Variants in EPM2A observed in about 807,000 individuals in gnomAD.
EPM2A encodes EPM2A glucan phosphatase, laforin.
In EPM2A, 21 loss-of-function variants were observed where a neutral mutation model predicts 26.5. That is an observed-to-expected ratio of 0.79 (90% CI 0.56 to 1.14). EPM2A has a LOEUF of 1.14. Ranked by LOEUF, EPM2A falls within the 50% of genes most tolerant of loss-of-function variation. EPM2A has a pLI of 0.00. For synonymous variants in EPM2A, 217 were observed against 177.6 expected (o/e 1.22, Z -1.76); for missense variants, 458 against 440.8 (o/e 1.04, Z -0.35).
At chr6:145,606,968 G>A (rs1275348700) in intron 2 of EPM2A, among the ~76,000 whole-genome samples, 11 of 152,238 alleles carry the variant, frequency 7.2e-5, no homozygotes, top group Non-Finnish European at 1.6e-4. Context: ...CCAATCAGAA[G>A]CTGACAAGTA....
intron 4 of EPM2A, among the ~76,000 whole-genome samples, chr6:145,488,072 G>C (rs1463082331): frequency 1.6e-5 from 2 of 122,460 alleles, no homozygotes; most frequent in Non-Finnish European, 3.7e-5. Context: ...TATTGAATAG[G>C]GAATTCTTTC....
chr6:145,647,781 T>G (rs1300197082), intron 2 of EPM2A, among the ~76,000 whole-genome samples: 1 of 152,184 alleles, frequency 6.6e-6, no homozygotes, highest in Non-Finnish European at 1.5e-5. Flanking sequence ...CAAGATATTC[T>G]AGAGGGTTCA....
intron 1 of EPM2A, among the ~76,000 whole-genome samples, chr6:145,717,773 C>T (rs547922532): frequency 2.5e-4 from 38 of 150,466 alleles, no homozygotes; most frequent in African/African-American, 8.1e-4. Flanking sequence ...AGCAAAGTCT[C>T]AGGATACAAA....
intron 2 of EPM2A, among the ~76,000 whole-genome samples, chr6:145,656,899 T>G (rs1778332579): frequency 6.6e-6 from 1 of 152,196 alleles, no homozygotes; most frequent in African/African-American, 2.4e-5. Context: ...AATGTACTAC[T>G]AAAGATAAAA....
chr6:145,417,539 G>C (rs1294252838), intron 4 of EPM2A, among the ~76,000 whole-genome samples: 2 of 152,098 alleles, frequency 1.3e-5, no homozygotes, highest in African/African-American at 4.8e-5. Flanking sequence ...AACCCTCCCA[G>C]AAAAGAACTT....
intron 2 of EPM2A, among the ~76,000 whole-genome samples, chr6:145,666,792 C>T (rs1779234029): frequency 2.0e-5 from 3 of 150,918 alleles, no homozygotes; most frequent in Admixed American, 2.0e-4. Flanking sequence ...ACCAAAACAG[C>T]ATGGTACTGG....
chr6:145,702,448 G>C (rs1261301963), intron 1 of EPM2A, among the ~76,000 whole-genome samples: 1 of 149,586 alleles, frequency 6.7e-6, no homozygotes, highest in Admixed American at 6.6e-5. Context: ...TAAGCAAACT[G>C]TGTCTGTTTT....
At chr6:145,618,114 A>C (rs1775554995) in intron 2 of EPM2A, among the ~76,000 whole-genome samples, 1 of 152,210 alleles carries the variant, frequency 6.6e-6, no homozygotes, top group Admixed American at 6.5e-5. Context: ...ACAGCACATT[A>C]AGAGGGGTTC....
At chr6:145,661,182 C>T (rs934686426) in intron 2 of EPM2A, among the ~76,000 whole-genome samples, 6 of 152,148 alleles carry the variant, frequency 3.9e-5, no homozygotes, top group Non-Finnish European at 7.3e-5. Flanking sequence ...ATAGATGAGG[C>T]ACATTCCTAT....
At chr6:145,554,690 A>C (rs1006995846) in intron 2 of EPM2A, among the ~76,000 whole-genome samples, 1 of 152,096 alleles carries the variant, frequency 6.6e-6, no homozygotes, top group South Asian at 2.1e-4. Context: ...TGAGAGAGGA[A>C]GAATGTGCTC....
chr6:145,483,169 A>C (rs1582790159), intron 4 of EPM2A, among the ~76,000 whole-genome samples: 1 of 152,054 alleles, frequency 6.6e-6, no homozygotes, highest in East Asian at 1.9e-4. Flanking sequence ...TTTTAGCATG[A>C]AATAGCCCTT....
chr6:145,514,944 T>C (rs1326125524), intron 2 of EPM2A, among the ~76,000 whole-genome samples: 1 of 152,196 alleles, frequency 6.6e-6, no homozygotes, highest in East Asian at 1.9e-4. Context: ...ACATTCCTTC[T>C]CCAATCAAGA....
chr6:145,637,251 C>T (rs570424408), intron 2 of EPM2A: 1 of 152,288 alleles, frequency 6.6e-6, no homozygotes, highest in East Asian at 1.9e-4. Context: ...TTGAATGCTA[C>T]AGAGTAGAAG....
At chr6:145,631,205 C>T (rs976480778) in intron 3 of EPM2A, 1 of 151,918 alleles carries the variant, frequency 6.6e-6, no homozygotes, top group African/African-American at 2.4e-5. Context: ...ATATGTGACC[C>T]ACTAAGGAAT....
chr6:145,654,293 T>G (rs1264480472), intron 2 of EPM2A, among the ~76,000 whole-genome samples: 1 of 152,084 alleles, frequency 6.6e-6, no homozygotes, highest in African/African-American at 2.4e-5. Context: ...GCAATTCTCC[T>G]GCCTCAGCCT....
intron 4 of EPM2A, among the ~76,000 whole-genome samples, chr6:145,392,086 T>G (rs1298148877): frequency 6.6e-6 from 1 of 152,136 alleles, no homozygotes; most frequent in Non-Finnish European, 1.5e-5. Flanking sequence ...AACATTCTTT[T>G]GAATATTTGA....
intron 2 of EPM2A, among the ~76,000 whole-genome samples, chr6:145,503,179 C>T (rs931735850): frequency 2.0e-4 from 31 of 152,146 alleles, no homozygotes; most frequent in Non-Finnish European, 4.3e-4. Context: ...TGTAAGAGGG[C>T]TCTTTTCAGG....
At chr6:145,442,774 T>C (rs551343190) in intron 4 of EPM2A, among the ~76,000 whole-genome samples, 4 of 152,200 alleles carry the variant, frequency 2.6e-5, no homozygotes, top group Admixed American at 2.6e-4. Context: ...CATTGGTCTA[T>C]GTATCTGTTT....
chr6:145,530,375 A>G (rs540573899), intron 2 of EPM2A, among the ~76,000 whole-genome samples: 1 of 152,316 alleles, frequency 6.6e-6, no homozygotes, highest in East Asian at 1.9e-4. Flanking sequence ...TACTTCATTC[A>G]CCATTATTGA....
Sources: gnomAD v4.1 joint callset for allele counts (sites outside exome capture counted in the v4.1 genomes callset) on GRCh38, gnomAD v4.1.1 for gene constraint, MANE v1.5 for transcripts, NCBI Gene and HGNC (gene_info 2026-07-23, HGNC 2026-07-21) for gene names.